ATG5: variants seen among roughly 807,000 people sequenced by gnomAD.
The protein encoded by ATG5 is autophagy protein 5.
ATG5 carries 14 observed loss-of-function variants against 36.5 expected under a neutral mutation model. The observed-to-expected ratio is 0.38, with a 90% CI of 0.25 to 0.60. ATG5 has a LOEUF of 0.60. Ranked by LOEUF, ATG5 falls within the 20% of genes least tolerant of loss-of-function variation. The pLI, the probability that ATG5 is intolerant of heterozygous loss-of-function variation, is 0.60. For missense variants in ATG5, 195 were observed against 326.7 expected, an observed-to-expected ratio of 0.60 and a Z score of 3.11; for synonymous variants, 95 against 101.5, an observed-to-expected ratio of 0.94 and a Z score of 0.38.
At chr6:106,200,633 G>A (rs755348167) in intron 7 of ATG5, among the ~76,000 whole-genome samples, 4 of 151,926 alleles carry the variant, frequency 2.6e-5, no homozygotes, top group Non-Finnish European at 4.4e-5. Context: ...CCGCCACCAC[G>A]CCCAGCTGAT....
chr6:106,324,296 G>A (rs766168826), intron 1 of ATG5, among the ~76,000 whole-genome samples: 1 of 152,078 alleles, frequency 6.6e-6, no homozygotes, highest in Non-Finnish European at 1.5e-5. Flanking sequence ...GTTGTATTGC[G>A]CATTATAAAT....
At position 106,279,702 on chromosome 6, in the gene ATG5, T is replaced by C. The variant is rs761918751; in HGVS notation, c.437A>G (p.Gln146Arg). 6.2e-7 allele frequency: 1 copy of C among 1,604,526 alleles called. No homozygotes were observed. Among genetic ancestry groups the C allele is most frequent in the Non-Finnish European group, 8.5e-7 (1 of 1,176,054 alleles). ...KHKSQVINEM[Q>R]KKDHKQLWMG... ...CCAGAGTTGCTTGTGATCTTTTTTC[T>C]GCATTTCATTGATTACTTGACTTTT... Residue 146 changes from glutamine (Q) to arginine (R), a missense_variant, in exon 5 of 8, where the codon CAG becomes CGG. Gln to Arg is a conservative substitution (Grantham distance 43). Transcript: ENST00000369076.
chr6:106,203,046 A>G (rs1402795685), intron 6 of ATG5, among the ~76,000 whole-genome samples: 1 of 152,160 alleles, frequency 6.6e-6, no homozygotes, highest in Non-Finnish European at 1.5e-5. Context: ...GTGTGTGAAG[A>G]CAAAGCAAAA....
At chr6:106,313,094 GAGA>G (rs1770713471) in intron 2 of ATG5, among the ~76,000 whole-genome samples, 1 of 152,188 alleles carries the variant, frequency 6.6e-6, no homozygotes, top group Non-Finnish European at 1.5e-5. Flanking sequence ...GTGGAGGTGG[GAGA>G]AGATCAGATA....
At chr6:106,271,866 T>A (rs1779467312) in intron 5 of ATG5, 1 of 152,242 alleles carries the variant, frequency 6.6e-6, no homozygotes, top group Non-Finnish European at 1.5e-5. Flanking sequence ...TTAAAAGCTA[T>A]GCATAGGATT....
chr6:106,248,241 C>A lies in ATG5; in HGVS notation c.482G>T (p.Arg161Ile). 1 of 1,596,302 alleles carries A rather than the reference C, an allele frequency of 6.3e-7. No individual in the cohort carries two copies. The highest frequency in any genetic ancestry group is 1.1e-5 in the South Asian group (1 of 90,646). ...KQLWMGLQND[R>I]FDQFWAINRK... is the part of the protein sequence containing the mutation. ...ATTGATGGCCCAAAACTGGTCAAAT[C>A]TGTCTGTAATGATATAAATTATTTG... Residue 161 changes from arginine (R) to isoleucine (I), a missense_variant, in exon 6 of 8, where the codon AGA (arginine) becomes ATA (isoleucine). Coordinates refer to ENST00000369076, the MANE Select transcript of ATG5 (RefSeq NM_004849.4).
chr6:106,196,375 C>T (rs946745874), intron 7 of ATG5, among the ~76,000 whole-genome samples: 1 of 152,034 alleles, frequency 6.6e-6, no homozygotes. Context: ...AGTGGAAAAA[C>T]CAAAAGACCA....
intron 4 of ATG5, among the ~76,000 whole-genome samples, chr6:106,281,647 C>T (rs1360917262): frequency 6.6e-6 from 1 of 152,144 alleles, no homozygotes; most frequent in African/African-American, 2.4e-5. Flanking sequence ...CATTAATACA[C>T]AAGTCTTTTA....
chr6:106,248,829 T>C (rs1778452090), intron 5 of ATG5, among the ~76,000 whole-genome samples: 1 of 152,036 alleles, frequency 6.6e-6, no homozygotes, highest in African/African-American at 2.4e-5. Flanking sequence ...TCCCAGCTAC[T>C]TGGGAGGCTG....
chr6:106,246,384 TCTCTCTCTCA>T (rs1562234440), intron 6 of ATG5, among the ~76,000 whole-genome samples: 2 of 96,968 alleles, frequency 2.1e-5, no homozygotes, highest in East Asian at 3.7e-4. Flanking sequence ...TCTCTCTCTC[TCTCTCTCTCA>T]CACACACACA....
At chr6:106,261,564 G>A (rs189565075) in intron 5 of ATG5, among the ~76,000 whole-genome samples, 11 of 152,170 alleles carry the variant, frequency 7.2e-5, no homozygotes, top group African/African-American at 1.4e-4. Context: ...GATAATTCAC[G>A]TGAAGTACCC....
chr6:106,233,193 A>G (rs1416894286), intron 6 of ATG5, among the ~76,000 whole-genome samples: 2 of 152,242 alleles, frequency 1.3e-5, no homozygotes, highest in African/African-American at 4.8e-5. Context: ...ACTTAGGGCT[A>G]AAATTATCCA....
intron 6 of ATG5, among the ~76,000 whole-genome samples, chr6:106,216,138 C>T (rs904106619): frequency 3.3e-5 from 5 of 152,250 alleles, no homozygotes; most frequent in Admixed American, 1.3e-4. Flanking sequence ...CCTCCTCATA[C>T]ACTGATGGTA....
At chr6:106,219,216 A>G (rs931880348) in intron 6 of ATG5, among the ~76,000 whole-genome samples, 3 of 152,316 alleles carry the variant, frequency 2.0e-5, no homozygotes, top group East Asian at 1.9e-4. Flanking sequence ...CCGGGTCTTC[A>G]GCTCTGAAAA....
intron 6 of ATG5, among the ~76,000 whole-genome samples, 156 bp downstream of exon 6, chr6:106,247,994 G>T (rs1778414346): frequency 6.6e-6 from 1 of 152,332 alleles, no homozygotes; most frequent in Non-Finnish European, 1.5e-5. Context: ...TTTCAGTGCG[G>T]TATCTGACTT....
At chr6:106,241,173 C>T (rs1778110108) in intron 6 of ATG5, among the ~76,000 whole-genome samples, 1 of 152,068 alleles carries the variant, frequency 6.6e-6, no homozygotes, top group Non-Finnish European at 1.5e-5. Flanking sequence ...ACAAATTAAA[C>T]CCTACAACTC....
chr6:106,208,577 T>C (rs976019772), intron 6 of ATG5, among the ~76,000 whole-genome samples: 6 of 150,516 alleles, frequency 4.0e-5, no homozygotes, highest in African/African-American at 1.5e-4. Context: ...AAGGGCAAAG[T>C]CATTTTAACA....
At chr6:106,282,058 A>T (rs1333579133) in intron 4 of ATG5, among the ~76,000 whole-genome samples, 1 of 152,238 alleles carries the variant, frequency 6.6e-6, no homozygotes, top group Non-Finnish European at 1.5e-5. Flanking sequence ...TGCATATGTA[A>T]ATACTGTTCA....
intron 5 of ATG5, among the ~76,000 whole-genome samples, chr6:106,269,421 G>T (rs923340388): frequency 1.3e-5 from 2 of 152,234 alleles, no homozygotes; most frequent in Non-Finnish European, 2.9e-5. Flanking sequence ...CTCAGCCCTT[G>T]GGTGGTCGAT....
Sources: allele counts gnomAD v4.1 joint callset (sites outside exome capture counted in the v4.1 genomes callset), GRCh38; gene constraint gnomAD v4.1.1; transcripts MANE v1.5; gene names NCBI Gene and HGNC (gene_info 2026-07-23, HGNC 2026-07-21).